THSD7B: variants seen among roughly 807,000 people sequenced by gnomAD.
THSD7B encodes thrombospondin type 1 domain containing 7B.
A neutral mutation model predicts 213.6 loss-of-function variants in THSD7B; 138 were observed. That is an observed-to-expected ratio of 0.65 (90% CI 0.56 to 0.74). The LOEUF (loss-of-function observed/expected upper bound fraction) is 0.74. THSD7B is among the 30% of genes least tolerant of loss of function. THSD7B has a pLI of 0.00. For missense variants in THSD7B, 1,931 were observed against 1,991.5 expected, an observed-to-expected ratio of 0.97 and a Z score of 0.58; for synonymous variants, 742 against 687.0, an observed-to-expected ratio of 1.08 and a Z score of -1.25.
At chr2:137,357,782 G>A (rs905405039) in intron 12 of THSD7B, among the ~76,000 whole-genome samples, 1 of 152,160 alleles carries the variant, frequency 6.6e-6, no homozygotes, top group Non-Finnish European at 1.5e-5. Flanking sequence ...TATAGGAGGA[G>A]GCAGTAGTGA....
intron 12 of THSD7B, among the ~76,000 whole-genome samples, chr2:137,298,041 C>G (rs961332290): frequency 2.6e-5 from 4 of 152,030 alleles, no homozygotes; most frequent in African/African-American, 9.7e-5. Flanking sequence ...TTGGAGGGCT[C>G]AGAAGAAGAC....
rs1002483881 is a variant in THSD7B, at chr2:137,311,179, G to A, written c.2500+35153G>A. Among the ~76,000 whole-genome samples, 25 of 149,760 alleles carry A rather than the reference G, an allele frequency of 1.7e-4. No homozygotes were observed. In the East Asian group the frequency reaches 3.9e-3, roughly 23 times the overall value. ...ATTTGTTTGTATCCTCTTTTATTTC[G>A]TTGAGCAGTGGTTTGTAGTTCTCCT... is the stretch of plus-strand genomic sequence containing the variant. On this transcript the variant is annotated intron_variant, in intron 12 of 27. Transcript: ENST00000409968.
intron 1 of THSD7B, among the ~76,000 whole-genome samples, chr2:136,871,356 G>T (rs1683429826): frequency 6.6e-6 from 1 of 152,198 alleles, no homozygotes; most frequent in South Asian, 2.1e-4. Context: ...CAAAGCTAGA[G>T]AAGAGGAGTC....
intron 12 of THSD7B, among the ~76,000 whole-genome samples, chr2:137,288,145 T>A (rs1158568268): frequency 1.3e-5 from 2 of 152,102 alleles, no homozygotes; most frequent in East Asian, 3.9e-4. Context: ...TAACACTCTT[T>A]CCAGGCAGCA....
chr2:137,384,895 G>A (rs1296656104), intron 12 of THSD7B, among the ~76,000 whole-genome samples: 4 of 152,042 alleles, frequency 2.6e-5, no homozygotes, highest in Non-Finnish European at 4.4e-5. Context: ...CCTACAAACT[G>A]GTTCACCCCA....
At chr2:137,150,119 G>A (rs1481611473) in intron 5 of THSD7B, among the ~76,000 whole-genome samples, 1 of 151,982 alleles carries the variant, frequency 6.6e-6, no homozygotes, top group African/African-American at 2.4e-5. Context: ...GTGCATGCCT[G>A]TAATCCCAGC....
At chr2:136,853,147 A>G (rs773617025) in intron 1 of THSD7B, among the ~76,000 whole-genome samples, 5 of 151,978 alleles carry the variant, frequency 3.3e-5, no homozygotes, top group Non-Finnish European at 4.4e-5. Context: ...ATTCCACTGT[A>G]CAGCCCTCTG....
At chr2:137,196,028 A>T (rs1338959418) in intron 7 of THSD7B, among the ~76,000 whole-genome samples, 1 of 152,220 alleles carries the variant, frequency 6.6e-6, no homozygotes, top group Non-Finnish European at 1.5e-5. Context: ...CACTGACATG[A>T]TCATAGAGAT....
intron 7 of THSD7B, among the ~76,000 whole-genome samples, chr2:137,179,222 C>A (rs1391853147): frequency 6.6e-6 from 1 of 152,142 alleles, no homozygotes; most frequent in Non-Finnish European, 1.5e-5. Context: ...ATCTTCCCCC[C>A]AGACATGTCC....
chr2:137,536,143 G>A (rs1680501493), intron 15 of THSD7B, among the ~76,000 whole-genome samples: 1 of 150,136 alleles, frequency 6.7e-6, no homozygotes, highest in Admixed American at 6.6e-5. Flanking sequence ...CTCATGGCCT[G>A]TTAGGGGGCC....
At chr2:137,666,568 T>C (rs1683452544) in intron 26 of THSD7B, among the ~76,000 whole-genome samples, 1 of 141,812 alleles carries the variant, frequency 7.1e-6, no homozygotes, top group Non-Finnish European at 1.5e-5. Context: ...TCAAATAAGA[T>C]ACTGTTATGT....
chr2:136,795,364 T>C (rs1226546221), intron 1 of THSD7B, among the ~76,000 whole-genome samples: 3 of 151,902 alleles, frequency 2.0e-5, no homozygotes, highest in Non-Finnish European at 4.4e-5. Context: ...TGATGCTGAC[T>C]CTCTTGCATT....
At chr2:136,781,778 C>T (rs887783497) in intron 1 of THSD7B, among the ~76,000 whole-genome samples, 1 of 152,136 alleles carries the variant, frequency 6.6e-6, no homozygotes, top group Non-Finnish European at 1.5e-5. Context: ...CCTCTGATTC[C>T]TTCTGTCTAT....
chr2:137,574,304 A>G (rs575017833), intron 17 of THSD7B, among the ~76,000 whole-genome samples: 2 of 152,044 alleles, frequency 1.3e-5, no homozygotes, highest in Non-Finnish European at 2.9e-5. Context: ...TCGAAACATA[A>G]TTATTTAATT....
intron 20 of THSD7B, 82 bp from the exon 21 acceptor site, chr2:137,642,406 A>G (rs1682956325): frequency 1.3e-6 from 2 of 1,513,272 alleles, no homozygotes; most frequent in East Asian, 4.5e-5. Flanking sequence ...GAAGACTTAC[A>G]TGTATAAGGC....
At position 137,554,762 on chromosome 2, in the gene THSD7B, C is replaced by T. The variant is rs960585166; in HGVS notation, c.3139-8459C>T. The stretch of plus-strand genomic sequence containing the variant: ...AAGCAGGGCAAGGCATCACCTCACC[C>T]GGGAAGCACAAGGGGTCAGGGAATT... On this transcript the variant is annotated intron_variant, in intron 15 of 27. Coordinates refer to ENST00000409968, the MANE Select transcript of THSD7B (RefSeq NM_001316349.2). Among the ~76,000 whole-genome samples, 31 of 152,286 alleles carry T rather than the reference C, an allele frequency of 2.0e-4. 1 individual carries two copies. The highest frequency in any genetic ancestry group is 6.2e-4 in the South Asian group (3 of 4,824).
chr2:136,888,394 T>C (rs1231929508), intron 2 of THSD7B, among the ~76,000 whole-genome samples: 1 of 152,144 alleles, frequency 6.6e-6, no homozygotes, highest in Non-Finnish European at 1.5e-5. Flanking sequence ...AATAGTGTTT[T>C]CAGCATTGAA....
At chr2:137,199,331 T>C (rs1266071160) in intron 7 of THSD7B, among the ~76,000 whole-genome samples, 1 of 152,214 alleles carries the variant, frequency 6.6e-6, no homozygotes, top group Non-Finnish European at 1.5e-5. Flanking sequence ...CCACTGTAAA[T>C]ACTTTAAAAA....
intron 1 of THSD7B, among the ~76,000 whole-genome samples, chr2:136,827,977 T>C (rs1182834760): frequency 4.6e-5 from 7 of 152,178 alleles, no homozygotes; most frequent in African/African-American, 1.4e-4. Flanking sequence ...TATGTCTTGT[T>C]TGTGTCTGTT....
Sources: allele counts gnomAD v4.1 joint callset (sites outside exome capture counted in the v4.1 genomes callset), GRCh38; gene constraint gnomAD v4.1.1; transcripts MANE v1.5; gene names NCBI Gene and HGNC (gene_info 2026-07-23, HGNC 2026-07-21).